Variants in PIK3R3 observed in about 807,000 individuals in gnomAD.
PIK3R3 encodes the protein phosphatidylinositol 3-kinase regulatory subunit gamma.
A neutral mutation model predicts 62.9 loss-of-function variants in PIK3R3; 64 were observed. The ratio of observed to expected loss-of-function variants is 1.02; its 90% CI spans 0.83 to 1.25. PIK3R3 has a LOEUF of 1.25. PIK3R3 is among the 50% of genes most tolerant of loss of function. The probability of loss-of-function intolerance (pLI) is 0.00; values close to 1 mark genes in which losing one functional copy is unlikely to be tolerated. For synonymous variants in PIK3R3, 165 were observed against 189.0 expected (o/e 0.87, Z 1.04); for missense variants, 614 against 561.6 (o/e 1.09, Z -0.94).
At chr1:46,118,024 G>T (rs1038784529) in intron 1 of PIK3R3, among the ~76,000 whole-genome samples, 1 of 148,126 alleles carries the variant, frequency 6.8e-6, no homozygotes, top group Non-Finnish European at 1.5e-5. Flanking sequence ...GCTACAGTGA[G>T]CTGTTGGTGA....
At chr1:46,156,266 C>G in the PIK3R3 span, among the ~76,000 whole-genome samples, 1 of 151,826 alleles carries the variant, frequency 6.6e-6, no homozygotes, top group Non-Finnish European at 1.5e-5. Flanking sequence ...AAATTGTCAG[C>G]CTGGCCAACA....
intron 3 of PIK3R3, among the ~76,000 whole-genome samples, chr1:46,069,670 A>G (rs1649316715): frequency 1.3e-5 from 2 of 152,196 alleles, no homozygotes; most frequent in Admixed American, 1.3e-4. Flanking sequence ...CTAAAGATAG[A>G]AATTCAGGAG....
At chr1:46,110,275 CTTTTTTT>C (rs35873858) in intron 1 of PIK3R3, among the ~76,000 whole-genome samples, 4 of 71,310 alleles carry the variant, frequency 5.6e-5, no homozygotes, top group African/African-American at 5.4e-5. Context: ...CCAGGCTTGG[CTTTTTTT>C]TTTTTTTTTT....
chr1:46,084,183 T>C (rs551531430), intron 1 of PIK3R3, among the ~76,000 whole-genome samples: 38 of 152,356 alleles, frequency 2.5e-4, no homozygotes, highest in Non-Finnish European at 3.2e-4. Context: ...AAATATTATA[T>C]AATCCCATTG....
chr1:46,124,127 CATGTTTTCA>C (rs1654894424), intron 1 of PIK3R3, among the ~76,000 whole-genome samples: 4 of 152,160 alleles, frequency 2.6e-5, no homozygotes, highest in Admixed American at 2.6e-4. Context: ...GGGATAATTA[CATGTTTTCA>C]ATAAGAAGCT....
the PIK3R3 span, among the ~76,000 whole-genome samples, chr1:46,141,395 C>T: frequency 1.3e-5 from 2 of 152,000 alleles, no homozygotes; most frequent in Non-Finnish European, 2.9e-5. Flanking sequence ...CTCAGCCTCC[C>T]GAGTAGCTGG....
chr1:46,131,770 C>T (rs1015061259), intron 1 of PIK3R3, 77 bp downstream of exon 1: 1 of 1,399,898 alleles, frequency 7.1e-7, no homozygotes, highest in African/African-American at 1.4e-5. Context: ...ATACTTCTGC[C>T]CTGAAAACAT....
chr1:46,158,663 C>A, the PIK3R3 span, among the ~76,000 whole-genome samples: 1 of 152,194 alleles, frequency 6.6e-6, no homozygotes, highest in South Asian at 2.1e-4. Flanking sequence ...GACTGATTAA[C>A]AAACTGCAGA....
chr1:46,146,652 G>A, the PIK3R3 span, among the ~76,000 whole-genome samples: 2 of 148,482 alleles, frequency 1.3e-5, no homozygotes, highest in South Asian at 2.1e-4. Context: ...GAAGCCTTGA[G>A]TATTTTAGGG....
intron 6 of PIK3R3, among the ~76,000 whole-genome samples, chr1:46,058,458 C>T (rs572304042): frequency 1.1e-4 from 16 of 152,334 alleles, no homozygotes; most frequent in South Asian, 4.1e-4. Context: ...CTGGAAAAGC[C>T]GCAGACACTC....
chr1:46,105,282 T>A (rs1467606417), intron 1 of PIK3R3: 1 of 275,148 alleles, frequency 3.6e-6, no homozygotes, highest in Non-Finnish European at 6.8e-6. Context: ...GGAGGGCAGA[T>A]CACGAGGTCA....
chr1:46,071,759 A>AGAGAGAGAGAGAGCGC (rs777668187), intron 3 of PIK3R3, among the ~76,000 whole-genome samples: 4 of 100,124 alleles, frequency 4.0e-5, no homozygotes, highest in Non-Finnish European at 8.5e-5. Flanking sequence ...AGAGAGAGAG[A>AGAGAGAGAGAGAGCGC]GCGCGCGCCT....
chr1:46,087,650 G>A (rs1651212025), intron 1 of PIK3R3, among the ~76,000 whole-genome samples: 2 of 143,848 alleles, frequency 1.4e-5, no homozygotes, highest in African/African-American at 2.6e-5. Flanking sequence ...GCCAAGGGTG[G>A]TCTCGAATTC....
chr1:46,058,903 G>A (rs1444744522), intron 6 of PIK3R3, among the ~76,000 whole-genome samples: 2 of 152,142 alleles, frequency 1.3e-5, no homozygotes, highest in African/African-American at 2.4e-5. Flanking sequence ...TAAAGATAAA[G>A]GATTTGGGAG....
the PIK3R3 span, among the ~76,000 whole-genome samples, chr1:46,155,453 C>A: frequency 6.9e-6 from 1 of 145,616 alleles, no homozygotes; most frequent in Non-Finnish European, 1.5e-5. Context: ...TCTTTTTTTC[C>A]TTTTTTTTTT....
chr1:46,082,412 G>A (rs1388946810), intron 1 of PIK3R3, among the ~76,000 whole-genome samples: 1 of 152,214 alleles, frequency 6.6e-6, no homozygotes, highest in Non-Finnish European at 1.5e-5. Context: ...ACAATTAAAT[G>A]CAATGTGTAA....
chr1:46,132,653 T>C (rs991709231), upstream of PIK3R3: 27 of 1,289,536 alleles, frequency 2.1e-5, no homozygotes, highest in Admixed American at 6.9e-5. Context: ...TAGAGTTTCA[T>C]TTTAACGGCG....
rs71307629 is a variant in PIK3R3 at position 46,067,253 on chromosome 1, CATATATAT to C, written c.315-170_315-163del. Among the ~76,000 whole-genome samples, 22 of 130,356 alleles carry C rather than the reference CATATATAT, an allele frequency of 1.7e-4. 1 individual carries two copies. The highest frequency in any genetic ancestry group is 7.1e-4 in the Admixed American group (9 of 12,644). 85.5% of individuals were successfully genotyped at this position (130,356 alleles called of 152,430 possible). On this transcript the variant is annotated intron_variant, in intron 3 of 9. Transcript: ENST00000262741. ...AAAGGCATGTTATTCTGTGTGTGAA[CATATATAT>C]ATATATATATATATATAATTCATTT...
At chr1:46,057,768 G>A (rs370362300) in intron 6 of PIK3R3, among the ~76,000 whole-genome samples, 9 of 152,296 alleles carry the variant, frequency 5.9e-5, no homozygotes, top group African/African-American at 2.2e-4. Context: ...GGTGACGTGG[G>A]TGCTCTTAAA....
Sources: allele counts gnomAD v4.1 joint callset (sites outside exome capture counted in the v4.1 genomes callset), GRCh38; gene constraint gnomAD v4.1.1; transcripts MANE v1.5; gene names NCBI Gene and HGNC (gene_info 2026-07-23, HGNC 2026-07-21).